The following ATOSA variants were observed in gnomAD, a reference collection of about 807,000 sequenced individuals.
ATOSA encodes the protein atos homolog protein A.
chr15:52,703,017 T>A, the ATOSA span, among the ~76,000 whole-genome samples: 2,847 of 152,246 alleles, frequency 0.019, 46 homozygotes, highest in Non-Finnish European at 0.03. Context: ...ATGTCAATTA[T>A]CAGGTAAACA....
the ATOSA span, among the ~76,000 whole-genome samples, chr15:52,687,026 T>G: frequency 6.6e-6 from 1 of 152,250 alleles, no homozygotes; most frequent in South Asian, 2.1e-4. Flanking sequence ...CCAAATACTT[T>G]GCTGGGCCCT....
chr15:52,678,230 C>T, the ATOSA span: 1 of 633,746 alleles, frequency 1.6e-6, no homozygotes, highest in South Asian at 1.9e-5. Flanking sequence ...GCGGTGACAG[C>T]ACCCTCGGCT....
chr15:52,639,869 G>A, the ATOSA span, among the ~76,000 whole-genome samples: 2 of 151,702 alleles, frequency 1.3e-5, no homozygotes, highest in Non-Finnish European at 2.9e-5. Flanking sequence ...TCCTGCCTCA[G>A]CCTCCCAAGT....
the ATOSA span, among the ~76,000 whole-genome samples, chr15:52,651,323 C>A: frequency 6.6e-6 from 1 of 152,118 alleles, no homozygotes; most frequent in Non-Finnish European, 1.5e-5. Context: ...TAAGAGATTG[C>A]ACAATTTGAG....
the ATOSA span, among the ~76,000 whole-genome samples, chr15:52,625,652 A>G: frequency 2.0e-5 from 3 of 152,210 alleles, no homozygotes; most frequent in African/African-American, 7.2e-5. Context: ...AATAAACACC[A>G]AAGTTCAAAA....
the ATOSA span, among the ~76,000 whole-genome samples, chr15:52,597,160 G>GTTCTA: frequency 1.2e-4 from 1 of 8,556 alleles, no homozygotes; most frequent in Admixed American, 2.1e-3. Flanking sequence ...ATTCTGTTCT[G>GTTCTA]TTCTGTTCTA....
the ATOSA span, among the ~76,000 whole-genome samples, chr15:52,669,165 C>T: frequency 1.3e-3 from 204 of 152,204 alleles, 1 homozygote; most frequent in Middle Eastern, 0.017. Flanking sequence ...TTGTGATCCG[C>T]CCACCTCAGC....
the ATOSA span, chr15:52,649,911 T>C: frequency 6.6e-6 from 1 of 152,134 alleles, no homozygotes; most frequent in Non-Finnish European, 1.5e-5. Context: ...TGGCAAAGCC[T>C]CTGTGTGACA....
chr15:52,618,586 A>G, the ATOSA span, among the ~76,000 whole-genome samples: 2 of 152,246 alleles, frequency 1.3e-5, no homozygotes, highest in African/African-American at 2.4e-5. Context: ...ACTGTAATAC[A>G]TCTACAAAGC....
chr15:52,611,092 G>C, the ATOSA span: 153 of 1,577,230 alleles, frequency 9.7e-5, no homozygotes, highest in South Asian at 1.7e-3. Context: ...CAAGGTGGCT[G>C]AATACGCACT....
chr15:52,669,317 A>G, the ATOSA span, among the ~76,000 whole-genome samples: 3 of 152,328 alleles, frequency 2.0e-5, no homozygotes, highest in East Asian at 1.9e-4. Context: ...AATTTTTTGT[A>G]TATCAGCATC....
the ATOSA span, among the ~76,000 whole-genome samples, chr15:52,604,896 T>C: frequency 2.6e-5 from 4 of 152,200 alleles, no homozygotes; most frequent in Non-Finnish European, 5.9e-5. Context: ...AGTTACAATT[T>C]GAGGCAAAAG....
At chr15:52,628,488 T>G in the ATOSA span, among the ~76,000 whole-genome samples, 1 of 152,314 alleles carries the variant, frequency 6.6e-6, no homozygotes, top group African/African-American at 2.4e-5. Context: ...AAATGGGTAC[T>G]AATACCTTTC....
At chr15:52,603,786 C>T in the ATOSA span, among the ~76,000 whole-genome samples, 1 of 151,972 alleles carries the variant, frequency 6.6e-6, no homozygotes, top group Non-Finnish European at 1.5e-5. Context: ...CACATTTGAA[C>T]TAATGAAGAT....
the ATOSA span, among the ~76,000 whole-genome samples, chr15:52,693,513 A>C: frequency 6.6e-6 from 1 of 152,228 alleles, no homozygotes; most frequent in African/African-American, 2.4e-5. Flanking sequence ...AAAAATTAAT[A>C]GCTTCTAGTA....
At chr15:52,586,182 A>G in the ATOSA span, 1 of 152,180 alleles carries the variant, frequency 6.6e-6, no homozygotes, top group Admixed American at 6.5e-5. Context: ...TACTTCAAGA[A>G]ATCGGTTTAC....
At chr15:52,675,750 T>A in the ATOSA span, among the ~76,000 whole-genome samples, 1 of 151,682 alleles carries the variant, frequency 6.6e-6, no homozygotes, top group South Asian at 2.1e-4. Context: ...CTACTAAAAA[T>A]ACAAAAAATT....
chr15:52,702,457 G>A, the ATOSA span, among the ~76,000 whole-genome samples: 1 of 152,114 alleles, frequency 6.6e-6, no homozygotes, highest in Non-Finnish European at 1.5e-5. Flanking sequence ...GTCCTTTGCA[G>A]CAACATGGAT....
the ATOSA span, chr15:52,649,528 A>C: frequency 9.2e-5 from 14 of 152,194 alleles, no homozygotes. Context: ...ACTTAAAACC[A>C]ACTGTAGCAA....
Sources: allele counts gnomAD v4.1 joint callset (sites outside exome capture counted in the v4.1 genomes callset), GRCh38; gene constraint gnomAD v4.1.1; transcripts MANE v1.5; gene names NCBI Gene and HGNC (gene_info 2026-07-23, HGNC 2026-07-21).